The following EFCAB5 variants were observed in gnomAD, a reference collection of about 807,000 sequenced individuals.
EFCAB5 encodes the protein EF-hand calcium binding domain 5, also known as EF-hand calcium-binding domain-containing protein 5.
EFCAB5 carries 131 observed loss-of-function variants against 167.9 expected under a neutral mutation model. That is an observed-to-expected ratio of 0.78 (90% confidence interval 0.68 to 0.90). The LOEUF is 0.90. EFCAB5 is among the 40% of genes least tolerant of loss of function. The pLI, the probability that EFCAB5 is intolerant of heterozygous loss-of-function variation, is 0.00. For synonymous variants in EFCAB5, 574 were observed against 602.8 expected (o/e 0.95, Z 0.70); for missense variants, 1,663 against 1,745.2 (o/e 0.95, Z 0.84).
intron 8 of EFCAB5, among the ~76,000 whole-genome samples, chr17:30,046,527 C>A (rs1224490966): frequency 6.6e-6 from 1 of 152,154 alleles, no homozygotes; most frequent in Non-Finnish European, 1.5e-5. Flanking sequence ...GAAAAATCAG[C>A]CCCCAAATAT....
At chr17:30,096,880 A>G (rs2071302775) in intron 22 of EFCAB5, among the ~76,000 whole-genome samples, 2 of 147,466 alleles carry the variant, frequency 1.4e-5, no homozygotes. Context: ...GGGTTGCACC[A>G]TGTTGACCAG....
intron 7 of EFCAB5, among the ~76,000 whole-genome samples, chr17:30,022,721 T>C (rs942648094): frequency 6.6e-6 from 1 of 152,210 alleles, no homozygotes; most frequent in African/African-American, 2.4e-5. Context: ...TTATTTTGTT[T>C]TGTTTTATAA....
At chr17:30,102,168 T>C (rs2071390848) in intron 22 of EFCAB5, among the ~76,000 whole-genome samples, 1 of 150,006 alleles carries the variant, frequency 6.7e-6, no homozygotes, top group Admixed American at 6.6e-5. Context: ...TGAGAGTGAG[T>C]GGGTAGGTGT....
At chr17:30,099,724 T>C (rs2071355196) in intron 22 of EFCAB5, among the ~76,000 whole-genome samples, 1 of 152,210 alleles carries the variant, frequency 6.6e-6, no homozygotes, top group South Asian at 2.1e-4. Context: ...AAAGGTGCTC[T>C]GCTGAGGAGG....
At chr17:29,947,791 G>A (rs894380929) in intron 3 of EFCAB5, among the ~76,000 whole-genome samples, 2 of 151,570 alleles carry the variant, frequency 1.3e-5, no homozygotes, top group Admixed American at 6.6e-5. Context: ...TACCTTAATC[G>A]CTTGGGCCAG....
rs1404721871 is a variant in EFCAB5, at chr17:30,023,356, C to T, written c.1045-10874C>T. On this transcript the variant is annotated intron_variant, in intron 7 of 22. Coordinates refer to ENST00000394835, the MANE Select transcript of EFCAB5 (RefSeq NM_198529.4). ...AAAAATGATAAAGGGGATATCACCA[C>T]CGATCCCACAGAAATACAAACTACC... Among the ~76,000 whole-genome samples, 8 of 152,084 alleles carry T rather than the reference C, an allele frequency of 5.3e-5. No individual in the cohort carries two copies. In the East Asian group the frequency reaches 9.6e-4, roughly 18 times the overall value.
At chr17:30,048,591 T>A (rs1483079686) in intron 8 of EFCAB5, among the ~76,000 whole-genome samples, 3 of 151,850 alleles carry the variant, frequency 2.0e-5, no homozygotes, top group African/African-American at 7.3e-5. Flanking sequence ...ACCTCCTGGG[T>A]TCGAGCGATT....
At chr17:29,993,672 T>C (rs745333627) in intron 5 of EFCAB5, among the ~76,000 whole-genome samples, 7 of 152,180 alleles carry the variant, frequency 4.6e-5, no homozygotes, top group Non-Finnish European at 1.0e-4. Flanking sequence ...AGAGAACAAC[T>C]GTACTCTGAG....
At chr17:29,930,959 G>A (rs763577912) in intron 1 of EFCAB5, among the ~76,000 whole-genome samples, 4 of 152,120 alleles carry the variant, frequency 2.6e-5, no homozygotes, top group African/African-American at 7.2e-5. Context: ...GGATTTGCTC[G>A]TTAAGCTTTC....
Position 30,082,451 on chromosome 17 carries a change from T to C in EFCAB5, c.3427-440T>C, listed in dbSNP as rs140162532. On this transcript the variant is annotated intron_variant, in intron 17 of 22. Coordinates refer to ENST00000394835, the MANE Select transcript of EFCAB5 (RefSeq NM_198529.4). The stretch of plus-strand genomic sequence containing the variant: ...TGTTGCCCAGATTGGAGTGCAGTGT[T>C]GCGATCTCAGCTCACTGCAACCTCC... Among the ~76,000 whole-genome samples, 734 of 150,476 alleles carry C rather than the reference T, an allele frequency of 4.9e-3. 6 individuals carry two copies. The highest frequency in any genetic ancestry group is 0.017 in the African/African-American group (697 of 40,782).
rs150078554 is a variant in EFCAB5 at position 30,056,161 on chromosome 17, A to T, written c.2365+5A>T. On this transcript the variant is annotated splice_donor_5th_base_variant and intron_variant, in intron 12 of 22. Transcript: ENST00000394835. ...ATGGTAACTCCAGGTTCACAGGTAC[A>T]TGTTAACAATGAAAGTAGGAATAGA... 3.7e-6 allele frequency: 6 copies of T among 1,601,564 alleles called. No homozygotes were observed. The African/African-American group carries it at 4.0e-5, about 11-fold the overall frequency.
intron 4 of EFCAB5, among the ~76,000 whole-genome samples, chr17:29,984,130 A>G (rs2068232656): frequency 1.3e-5 from 2 of 151,900 alleles, no homozygotes. Context: ...TGAGTGGTTT[A>G]GTGAGTGAGT....
intron 19 of EFCAB5, among the ~76,000 whole-genome samples, chr17:30,088,288 T>G (rs2071128252): frequency 6.6e-6 from 1 of 152,100 alleles, no homozygotes; most frequent in Non-Finnish European, 1.5e-5. Flanking sequence ...CCCAGCTCAT[T>G]TAATTTTTTT....
intron 7 of EFCAB5, among the ~76,000 whole-genome samples, chr17:30,007,265 G>A (rs565687175): frequency 6.6e-6 from 1 of 152,288 alleles, no homozygotes; most frequent in South Asian, 2.1e-4. Flanking sequence ...CTAGTTCCAT[G>A]TGGCTTCTTG....
At chr17:29,958,690 A>T (rs367964178) in intron 3 of EFCAB5, among the ~76,000 whole-genome samples, 1 of 152,118 alleles carries the variant, frequency 6.6e-6, no homozygotes, top group Non-Finnish European at 1.5e-5. Flanking sequence ...GTGGATGTTC[A>T]TTGATGTCTG....
chr17:30,053,178 C>A (rs187806166), intron 9 of EFCAB5, 77 bp from the exon 10 acceptor site: 2 of 1,476,728 alleles, frequency 1.4e-6, no homozygotes, highest in African/African-American at 2.8e-5. Context: ...CAATGCTTTT[C>A]TTTGCATTAA....
intron 7 of EFCAB5, among the ~76,000 whole-genome samples, chr17:30,005,660 C>T (rs1299770040): frequency 6.6e-6 from 1 of 152,148 alleles, no homozygotes; most frequent in Non-Finnish European, 1.5e-5. Context: ...GAATTCCCTG[C>T]CATGACAAGA....
intron 18 of EFCAB5, among the ~76,000 whole-genome samples, chr17:30,084,649 C>T (rs539234492): frequency 2.4e-4 from 36 of 152,286 alleles, no homozygotes; most frequent in African/African-American, 8.4e-4. Flanking sequence ...AAGCACTCAA[C>T]GATCATAACT....
At chr17:30,005,949 T>C (rs903516626) in intron 7 of EFCAB5, among the ~76,000 whole-genome samples, 5 of 152,318 alleles carry the variant, frequency 3.3e-5, no homozygotes, top group Admixed American at 1.3e-4. Flanking sequence ...CTTTAAACAA[T>C]TGCAAATTAA....
Sources: gnomAD v4.1 joint callset for allele counts (sites outside exome capture counted in the v4.1 genomes callset) on GRCh38, gnomAD v4.1.1 for gene constraint, MANE v1.5 for transcripts, NCBI Gene and HGNC (gene_info 2026-07-23, HGNC 2026-07-21) for gene names.